The following CLINT1 variants were observed in gnomAD, a reference collection of about 807,000 sequenced individuals.
CLINT1 encodes clathrin interacting protein localized in the trans-Golgi region.
In CLINT1, 15 loss-of-function variants were observed where a neutral mutation model predicts 70.4. The observed-to-expected ratio is 0.21, with a 90% CI of 0.14 to 0.33. The LOEUF (loss-of-function observed/expected upper bound fraction) is 0.33. Among genes scored for constraint, CLINT1 ranks in the 10% least tolerant of loss-of-function variants. The probability of loss-of-function intolerance (pLI) is 1.00; values close to 1 mark genes in which losing one functional copy is unlikely to be tolerated. For synonymous variants in CLINT1, 227 were observed against 254.7 expected (o/e 0.89, Z 1.04); for missense variants, 615 against 778.1 (o/e 0.79, Z 2.49).
intron 1 of CLINT1, among the ~76,000 whole-genome samples, chr5:157,852,377 T>C (rs1012678013): frequency 1.3e-5 from 2 of 152,198 alleles, no homozygotes; most frequent in Non-Finnish European, 1.5e-5. Flanking sequence ...CTGTCCTATA[T>C]GTAGGCTAAA....
At chr5:157,809,359 A>G (rs1361551374) in intron 6 of CLINT1, among the ~76,000 whole-genome samples, 1 of 152,140 alleles carries the variant, frequency 6.6e-6, no homozygotes, top group African/African-American at 2.4e-5. Context: ...TGGCTTTTCA[A>G]TTGTTAACAA....
chr5:157,843,107 A>G (rs761246643), intron 1 of CLINT1, among the ~76,000 whole-genome samples: 9 of 152,172 alleles, frequency 5.9e-5, no homozygotes, highest in Non-Finnish European at 1.2e-4. Flanking sequence ...CAGGTATGAT[A>G]AGATAGCCAC....
rs778578043 is a variant in CLINT1, at chr5:157,806,016, G to C, written c.792C>G (p.Ile264Met). Residue 264 changes from isoleucine to methionine, a missense_variant, in exon 7 of 12, where the codon ATC becomes ATG. By Grantham distance (10) the Ile-to-Met change is conservative (BLOSUM62 1). Around this residue, in one of 2 missense-constraint regions of CLINT1, gnomAD observed 241 missense variants for 368.6 expected, o/e 0.65. Transcript: ENST00000411809. ...TTGTGGTGGTCTCTGTGGCCTGTGT[G>C]ATATGAATATGCTTTGTCGTCACAG... ...EETVTTKHIH[I>M]TQATETTTTR... 1 of 1,613,910 alleles carries C rather than the reference G, an allele frequency of 6.2e-7. No individual in the cohort carries two copies. Among genetic ancestry groups the C allele is most frequent in the Admixed American group, 1.7e-5 (1 of 60,012 alleles).
At position 157,828,221 on chromosome 5, in the gene CLINT1, T is replaced by C. The variant is rs1257234914; in HGVS notation, c.42-10674A>G. ...GTCTCAAGACAGGCTAGTCCCACAA[T>C]GCTAAGGCGTTTTTATTTTCCAGAG... On this transcript the variant is annotated intron_variant, in intron 1 of 11. Coordinates refer to ENST00000411809, the MANE Select transcript of CLINT1 (RefSeq NM_014666.4). Among the ~76,000 whole-genome samples the C allele has an allele frequency of 2.0e-5, 3 of 152,168 alleles. No homozygotes were observed. In the East Asian group the frequency reaches 5.8e-4, roughly 29 times the overall value.
At chr5:157,818,808 G>T (rs983955189) in intron 1 of CLINT1, among the ~76,000 whole-genome samples, 1 of 152,112 alleles carries the variant, frequency 6.6e-6, no homozygotes, top group African/African-American at 2.4e-5. Flanking sequence ...ATGCTTATAT[G>T]AATTTAAGAA....
At chr5:157,830,304 C>G (rs1763182061) in intron 1 of CLINT1, among the ~76,000 whole-genome samples, 1 of 152,102 alleles carries the variant, frequency 6.6e-6, no homozygotes, top group African/African-American at 2.4e-5. Flanking sequence ...TCTTGCCATT[C>G]TTGTTTTTGG....
chr5:157,820,947 A>G (rs1015138523), intron 1 of CLINT1, among the ~76,000 whole-genome samples: 3 of 152,232 alleles, frequency 2.0e-5, no homozygotes, highest in Non-Finnish European at 2.9e-5. Flanking sequence ...CCCCTCCCCA[A>G]TAAATTTCAT....
intron 1 of CLINT1, among the ~76,000 whole-genome samples, chr5:157,849,382 T>C (rs1040184723): frequency 1.3e-5 from 2 of 152,240 alleles, no homozygotes; most frequent in Non-Finnish European, 2.9e-5. Flanking sequence ...AATTAAGGTA[T>C]GTACTTTTTT....
In CLINT1 at chr5:157,787,873, T is replaced by C. The variant is rs1334653534; in HGVS notation, c.1651A>G (p.Met551Val). Residue 551 changes from methionine (M) to valine (V), a missense_variant, in exon 12 of 12, where the codon ATG becomes GTG. Physicochemically the swap from Met to Val is conservative, Grantham distance 21. Coordinates refer to ENST00000411809, the MANE Select transcript of CLINT1 (RefSeq NM_014666.4). ...TNALIGGPMP[M>V]SMPNVMTGTM... ...CCAGTCATCACATTGGGCATGCTCA[T>C]AGGCATGGGTCCCCCTATCAAAGCA... 5 of 1,613,870 alleles carry C rather than the reference T, an allele frequency of 3.1e-6. No individual in the cohort carries two copies. In the Admixed American group the frequency reaches 6.7e-5, roughly 22 times the overall value.
At chr5:157,847,269 C>A (rs1460234621) in intron 1 of CLINT1, among the ~76,000 whole-genome samples, 2 of 152,136 alleles carry the variant, frequency 1.3e-5, no homozygotes, top group African/African-American at 4.8e-5. Context: ...TTTGGGAGGC[C>A]AAGGCAGGAG....
chr5:157,856,927 T>C (rs1753776906), intron 1 of CLINT1, among the ~76,000 whole-genome samples: 1 of 152,220 alleles, frequency 6.6e-6, no homozygotes, highest in Non-Finnish European at 1.5e-5. Flanking sequence ...ACAAGTGTGA[T>C]AAGCAAATAT....
chr5:157,837,328 T>C (rs1422809409), intron 1 of CLINT1, among the ~76,000 whole-genome samples: 3 of 151,980 alleles, frequency 2.0e-5, no homozygotes, highest in Non-Finnish European at 4.4e-5. Flanking sequence ...GTGGGCTAGA[T>C]TGTGCCACTG....
intron 1 of CLINT1, among the ~76,000 whole-genome samples, chr5:157,850,612 CAAAAAAA>C (rs67243040): frequency 1.3e-4 from 8 of 60,352 alleles, no homozygotes; most frequent in African/African-American, 3.5e-4. Context: ...GACCCTGTCT[CAAAAAAA>C]AAAAAAAAAA....
intron 9 of CLINT1, among the ~76,000 whole-genome samples, chr5:157,793,617 TAGAC>T (rs1424376432): frequency 1.3e-5 from 2 of 152,188 alleles, no homozygotes; most frequent in Non-Finnish European, 2.9e-5. Flanking sequence ...CTTTGAGAAT[TAGAC>T]AGGGAAGCTA....
In CLINT1 at chr5:157,791,690, C is replaced by G; in HGVS notation, c.1380+13G>C. The G allele has an allele frequency of 6.3e-7, 1 of 1,595,172 alleles. No individual in the cohort carries two copies. The highest frequency in any genetic ancestry group is 8.5e-7 in the Non-Finnish European group (1 of 1,170,288). On this transcript the variant is annotated intron_variant, in intron 10 of 11. Transcript: ENST00000411809. ...TTATAAATAACAAATTCCAAGGGAA[C>G]CAGACAACTTACCTGTGATCTTGAC...
chr5:157,839,764 T>TATCTATAC (rs1220140156), intron 1 of CLINT1, among the ~76,000 whole-genome samples: 21 of 147,888 alleles, frequency 1.4e-4, no homozygotes, highest in Non-Finnish European at 2.2e-4. Flanking sequence ...TCTATCTATC[T>TATCTATAC]ATACATATAA....
At chr5:157,839,722 T>TCTAC (rs759023779) in intron 1 of CLINT1, among the ~76,000 whole-genome samples, 2,427 of 64,852 alleles carry the variant, frequency 0.037, 28 homozygotes, top group Middle Eastern at 0.061. Context: ...ACAACAAAAA[T>TCTAC]CTATCTATCT....
At chr5:157,809,847 A>C in intron 5 of CLINT1, 42 bp from the exon 6 acceptor site, 2 of 1,567,804 alleles carry the variant, frequency 1.3e-6, no homozygotes, top group African/African-American at 2.8e-5. Flanking sequence ...TAACGACATT[A>C]AATTCAAAAG....
chr5:157,838,420 G>C (rs1379654357), intron 1 of CLINT1, among the ~76,000 whole-genome samples: 1 of 152,192 alleles, frequency 6.6e-6, no homozygotes, highest in Non-Finnish European at 1.5e-5. Flanking sequence ...ACAGCATCCA[G>C]CCTAAGTCAA....
Sources: allele counts gnomAD v4.1 joint callset (sites outside exome capture counted in the v4.1 genomes callset), GRCh38; gene constraint gnomAD v4.1.1; regional missense constraint gnomAD v4.1.1; transcripts MANE v1.5; gene names NCBI Gene and HGNC (gene_info 2026-07-23, HGNC 2026-07-21).